The following SLC35G2 variants were observed in gnomAD, a reference collection of about 807,000 sequenced individuals.
SLC35G2 encodes the protein transmembrane protein 22.
Under a neutral mutation model 27.2 loss-of-function variants are expected in SLC35G2, and 20 were observed. The observed-to-expected ratio is 0.74, with a 90% CI of 0.52 to 1.07. The LOEUF (loss-of-function observed/expected upper bound fraction) is 1.07. SLC35G2 is among the 50% of genes least tolerant of loss of function. The pLI is 0.00. For missense variants in SLC35G2, 416 were observed against 493.3 expected (o/e 0.84, Z 1.48); for synonymous variants, 148 against 165.3 (o/e 0.90, Z 0.80).
At chr3:136,837,132 TACAC>T (rs1451156100) in intron 1 of SLC35G2, among the ~76,000 whole-genome samples, 1 of 150,640 alleles carries the variant, frequency 6.6e-6, no homozygotes, top group South Asian at 2.1e-4. Context: ...AGTATGTATC[TACAC>T]ACACACAACA....
intron 1 of SLC35G2, chr3:136,842,848 G>A (rs908193421): frequency 2.6e-5 from 4 of 152,236 alleles, no homozygotes; most frequent in Non-Finnish European, 4.4e-5. Context: ...GATGGTGCCT[G>A]GATTTGTTGG....
rs575754756 is a variant in SLC35G2 at position 136,840,626 on chromosome 3, TTTC to T, written c.-18-13814_-18-13812del. 2.5e-4 allele frequency among the ~76,000 whole-genome samples: 38 copies of T among 151,466 alleles called. 1 individual carries two copies. In the South Asian group the frequency reaches 7.5e-3, roughly 30 times the overall value. ...TTCTCTTCTTTCTCTCCCTCTCTTT[TTTC>T]TTTTCTTTTCTTTTGACAGAGTCTC... On this transcript the variant is annotated intron_variant, in intron 1 of 1. Coordinates refer to ENST00000446465, the MANE Select transcript of SLC35G2 (RefSeq NM_025246.3).
intron 1 of SLC35G2, among the ~76,000 whole-genome samples, chr3:136,824,121 T>C (rs1936528622): frequency 6.6e-6 from 1 of 152,248 alleles, no homozygotes; most frequent in Admixed American, 6.5e-5. Context: ...TTGGTTACTA[T>C]AGCTCTGTAG....
chr3:136,842,033 TATTC>T (rs1408701577), intron 1 of SLC35G2: 66 of 152,296 alleles, frequency 4.3e-4, no homozygotes, highest in African/African-American at 1.5e-3. Flanking sequence ...TTCTGATAAA[TATTC>T]AGATGATTAC....
intron 1 of SLC35G2, among the ~76,000 whole-genome samples, chr3:136,847,340 A>G (rs1937431083): frequency 6.6e-6 from 1 of 152,180 alleles, no homozygotes; most frequent in African/African-American, 2.4e-5. Context: ...GCTCTCCCAC[A>G]TAAGGGATTT....
intron 1 of SLC35G2, among the ~76,000 whole-genome samples, chr3:136,844,313 C>A (rs1169655445): frequency 6.6e-6 from 1 of 151,128 alleles, no homozygotes; most frequent in African/African-American, 2.4e-5. Flanking sequence ...CACAGTGAAA[C>A]CCTGTCTCTA....
At chr3:136,834,797 G>A (rs1205052044) in intron 1 of SLC35G2, among the ~76,000 whole-genome samples, 5 of 152,096 alleles carry the variant, frequency 3.3e-5, no homozygotes, top group African/African-American at 1.2e-4. Flanking sequence ...TACTGGTATT[G>A]CCATTTTTGT....
intron 1 of SLC35G2, among the ~76,000 whole-genome samples, chr3:136,833,069 CAAAAA>C (rs56357764): frequency 0.01 from 1,150 of 114,822 alleles, 16 homozygotes; most frequent in African/African-American, 0.031. Context: ...GACTCTGTCT[CAAAAA>C]AAAAAAAAAA....
At chr3:136,840,083 C>T (rs1253945858) in intron 1 of SLC35G2, among the ~76,000 whole-genome samples, 1 of 152,204 alleles carries the variant, frequency 6.6e-6, no homozygotes, top group Non-Finnish European at 1.5e-5. Flanking sequence ...ATCCAGTATC[C>T]ATTACTTTTC....
intron 1 of SLC35G2, among the ~76,000 whole-genome samples, chr3:136,824,264 A>G (rs977658302): frequency 6.6e-6 from 1 of 152,042 alleles, no homozygotes; most frequent in East Asian, 1.9e-4. Flanking sequence ...GAAGAATGTC[A>G]TTGCTATTTA....
intron 1 of SLC35G2, among the ~76,000 whole-genome samples, chr3:136,843,943 C>CAA (rs917242998): frequency 2.0e-5 from 3 of 151,918 alleles, no homozygotes; most frequent in African/African-American, 7.2e-5. Flanking sequence ...CAAAACAAAA[C>CAA]AAAAAAATCA....
chr3:136,833,069 CAAAAAAAA>C (rs56357764), intron 1 of SLC35G2, among the ~76,000 whole-genome samples: 1 of 114,864 alleles, frequency 8.7e-6, no homozygotes. Flanking sequence ...GACTCTGTCT[CAAAAAAAA>C]AAAAAAAAAA....
chr3:136,830,098 T>G (rs1936686464), intron 1 of SLC35G2, among the ~76,000 whole-genome samples: 1 of 138,798 alleles, frequency 7.2e-6, no homozygotes, highest in African/African-American at 2.6e-5. Context: ...TAGACATACA[T>G]TATTTCTTTT....
chr3:136,844,846 C>CATGTACATTCA (rs1271151963), intron 1 of SLC35G2, among the ~76,000 whole-genome samples: 1 of 146,570 alleles, frequency 6.8e-6, no homozygotes, highest in East Asian at 2.0e-4. Flanking sequence ...AACATTCTTT[C>CATGTACATTCA]ATGTACATTC....
chr3:136,822,262 A>G (rs1384998930), intron 1 of SLC35G2, among the ~76,000 whole-genome samples: 2 of 151,370 alleles, frequency 1.3e-5, no homozygotes, highest in African/African-American at 2.4e-5. Flanking sequence ...CACACCCCCA[A>G]CTCTCTCTCA....
intron 1 of SLC35G2, among the ~76,000 whole-genome samples, chr3:136,823,523 A>C (rs1476998783): frequency 6.6e-6 from 1 of 152,102 alleles, no homozygotes; most frequent in African/African-American, 2.4e-5. Context: ...AGTTTTCTTG[A>C]AGTAGTTTTA....
chr3:136,830,436 C>G (rs1272935260), intron 1 of SLC35G2, among the ~76,000 whole-genome samples: 2 of 152,198 alleles, frequency 1.3e-5, no homozygotes, highest in Non-Finnish European at 2.9e-5. Context: ...GCGCCCGCCA[C>G]CACGCCCAGC....
chr3:136,836,379 C>T (rs1463260599), intron 1 of SLC35G2, among the ~76,000 whole-genome samples: 1 of 147,940 alleles, frequency 6.8e-6, no homozygotes, highest in Non-Finnish European at 1.5e-5. Flanking sequence ...CACAGGCCAC[C>T]TCCTTGGCCC....
chr3:136,822,804 A>G (rs1250161638), intron 1 of SLC35G2, among the ~76,000 whole-genome samples: 6 of 152,168 alleles, frequency 3.9e-5, no homozygotes, highest in African/African-American at 1.4e-4. Context: ...TTGTATGTAA[A>G]TATCTGTTGA....
Sources: allele counts gnomAD v4.1 joint callset (sites outside exome capture counted in the v4.1 genomes callset), GRCh38; gene constraint gnomAD v4.1.1; transcripts MANE v1.5; gene names NCBI Gene and HGNC (gene_info 2026-07-23, HGNC 2026-07-21).